ZNF804B: variants seen among roughly 807,000 people sequenced by gnomAD.
ZNF804B encodes zinc finger 804B.
Under a neutral mutation model 101.4 loss-of-function variants are expected in ZNF804B, and 80 were observed. That is an observed-to-expected ratio of 0.79 (90% CI 0.66 to 0.95). The LOEUF is 0.95. ZNF804B is among the 40% of genes least tolerant of loss of function. The pLI is 0.00. For synonymous variants in ZNF804B, 622 were observed against 558.8 expected (o/e 1.11, Z -1.59); for missense variants, 1,673 against 1,561.9 (o/e 1.07, Z -1.20).
At chr7:89,194,831 T>A (rs1788520497) in intron 1 of ZNF804B, among the ~76,000 whole-genome samples, 2 of 151,816 alleles carry the variant, frequency 1.3e-5, no homozygotes, top group Non-Finnish European at 2.9e-5. Context: ...TTAAAGTAGT[T>A]TTTTCCAATT....
Position 88,891,429 on chromosome 7 carries a change from C to T in ZNF804B, c.108+131345C>T, listed in dbSNP as rs189465489. ...TGTTTGCCTTTTATATAATTTTCTA[C>T]CCTATTATTCAAACCTTACATGTCC... On this transcript the variant is annotated intron_variant, in intron 1 of 3. Coordinates refer to ENST00000333190, the MANE Select transcript of ZNF804B (RefSeq NM_181646.5). Among the ~76,000 whole-genome samples the T allele has an allele frequency of 1.8e-3, 272 of 152,096 alleles. 1 individual carries two copies. The highest frequency in any genetic ancestry group is 6.3e-3 in the African/African-American group (262 of 41,540).
At chr7:88,776,587 C>A (rs55655544) in intron 1 of ZNF804B, among the ~76,000 whole-genome samples, 17,688 of 120,020 alleles carry the variant, frequency 0.15, 1,390 homozygotes, top group African/African-American at 0.2. Flanking sequence ...TTTTTCAGAG[C>A]AAATTGAGTT....
chr7:88,993,227 T>C (rs1793873854), intron 1 of ZNF804B, among the ~76,000 whole-genome samples: 1 of 152,050 alleles, frequency 6.6e-6, no homozygotes, highest in African/African-American at 2.4e-5. Flanking sequence ...AGGAAGAAGG[T>C]ATGAAAGAAA....
chr7:88,897,574 T>A (rs978931444), intron 1 of ZNF804B, among the ~76,000 whole-genome samples: 3 of 152,232 alleles, frequency 2.0e-5, no homozygotes, highest in African/African-American at 7.2e-5. Context: ...TAATACATTA[T>A]GTCATGAAAC....
At chr7:88,816,602 C>T (rs1790882450) in intron 1 of ZNF804B, among the ~76,000 whole-genome samples, 1 of 150,442 alleles carries the variant, frequency 6.6e-6, no homozygotes, top group East Asian at 2.0e-4. Context: ...CAAAAGAAGA[C>T]ATTTATGCAG....
chr7:89,117,141 A>C (rs1473229522), intron 1 of ZNF804B, among the ~76,000 whole-genome samples: 1 of 152,198 alleles, frequency 6.6e-6, no homozygotes, highest in Admixed American at 6.5e-5. Flanking sequence ...CAAAGGACAC[A>C]TTCTCCACTA....
At chr7:89,145,135 G>A (rs894994119) in intron 1 of ZNF804B, among the ~76,000 whole-genome samples, 1 of 151,488 alleles carries the variant, frequency 6.6e-6, no homozygotes, top group African/African-American at 2.4e-5. Context: ...TCAAAAAAAC[G>A]AAAATAAATG....
intron 2 of ZNF804B, among the ~76,000 whole-genome samples, chr7:89,244,648 A>T (rs1298756978): frequency 6.6e-6 from 1 of 152,150 alleles, no homozygotes; most frequent in Non-Finnish European, 1.5e-5. Context: ...GCTTCATAGC[A>T]CCTGGAGACA....
chr7:89,255,861 C>A (rs13238218), intron 2 of ZNF804B, among the ~76,000 whole-genome samples: 18,589 of 151,898 alleles, frequency 0.12, 1,220 homozygotes, highest in Middle Eastern at 0.26. Context: ...AAAAAAGATT[C>A]ATAAAAGTGA....
intron 1 of ZNF804B, among the ~76,000 whole-genome samples, chr7:88,801,218 T>A (rs1317072205): frequency 6.6e-6 from 1 of 151,430 alleles, no homozygotes; most frequent in East Asian, 2.0e-4. Flanking sequence ...GGAACCCTGG[T>A]GTGTAGTTTG....
intron 2 of ZNF804B, among the ~76,000 whole-genome samples, chr7:89,313,094 T>C (rs1051328902): frequency 9.2e-5 from 14 of 152,180 alleles, no homozygotes; most frequent in African/African-American, 3.4e-4. Context: ...AAAATGACAC[T>C]GTTATAAATG....
chr7:89,160,113 A>G (rs1791036762), intron 1 of ZNF804B, among the ~76,000 whole-genome samples: 1 of 152,184 alleles, frequency 6.6e-6, no homozygotes, highest in Non-Finnish European at 1.5e-5. Context: ...AGAATATTCC[A>G]TTGTTAAACA....
intron 2 of ZNF804B, among the ~76,000 whole-genome samples, chr7:89,235,949 A>G (rs1455914586): frequency 6.6e-6 from 1 of 152,182 alleles, no homozygotes; most frequent in African/African-American, 2.4e-5. Flanking sequence ...CAAATTTTGT[A>G]TCAAAACCAC....
chr7:88,866,844 C>T (rs541341436), intron 1 of ZNF804B, among the ~76,000 whole-genome samples: 1 of 152,262 alleles, frequency 6.6e-6, no homozygotes, highest in South Asian at 2.1e-4. Flanking sequence ...AAAAATGAGT[C>T]TTAACTTTAT....
At chr7:88,786,108 A>T (rs1185568693) in intron 1 of ZNF804B, among the ~76,000 whole-genome samples, 1 of 152,142 alleles carries the variant, frequency 6.6e-6, no homozygotes, top group Non-Finnish European at 1.5e-5. Flanking sequence ...TTTTCAGCTC[A>T]TCCTTGCTGA....
chr7:89,240,444 C>A (rs746188456), intron 2 of ZNF804B, among the ~76,000 whole-genome samples: 2 of 151,456 alleles, frequency 1.3e-5, no homozygotes, highest in Admixed American at 1.3e-4. Context: ...GTAAAATGAG[C>A]GTTTTGTACT....
rs1028622801 is a variant in ZNF804B at position 88,837,817 on chromosome 7, T to C, written c.108+77733T>C. ...GTACTCACAAGTATATATGAGAATTTAGCTGACTTTCGATGGCCATCTATT... is the reference window on the plus strand; with the variant it reads ...GTACTCACAAGTATATATGAGAATTCAGCTGACTTTCGATGGCCATCTATT... On this transcript the variant is annotated intron_variant, in intron 1 of 3. Transcript: ENST00000333190. Among the ~76,000 whole-genome samples the C allele has an allele frequency of 5.5e-4, 84 of 151,984 alleles. 1 individual carries two copies. The highest frequency in any genetic ancestry group is 1.9e-3 in the African/African-American group (80 of 41,530).
chr7:88,903,565 C>T (rs1792423660), intron 1 of ZNF804B, among the ~76,000 whole-genome samples: 1 of 152,186 alleles, frequency 6.6e-6, no homozygotes, highest in African/African-American at 2.4e-5. Context: ...GCTTTACATT[C>T]CCATCAACAG....
In ZNF804B at chr7:89,334,964, G is replaced by T. The variant is rs879301072; in HGVS notation, c.1982G>T (p.Cys661Phe). 3.7e-6 allele frequency: 6 copies of T among 1,613,896 alleles called. No homozygotes were observed. The highest frequency in any genetic ancestry group is 5.1e-6 in the Non-Finnish European group (6 of 1,179,894). The change falls in exon 4 of 4, where the codon TGT becomes TTT. Residue 661 changes from cysteine (C) to phenylalanine (F), a missense_variant. Physicochemically the swap from Cys to Phe is radical, Grantham distance 205 (BLOSUM62 -2). Transcript: ENST00000333190. Reference sequence around the variant, plus strand: ...CAATTCAACTGCAAGTCCAGTCCTTGTACAGTAGGGGGTCACAGTGACCAT... The same window carrying T: ...CAATTCAACTGCAAGTCCAGTCCTTTTACAGTAGGGGGTCACAGTGACCAT... Reference protein sequence around the residue: ...ERQFNCKSSPCTVGGHSDHGK... With the variant: ...ERQFNCKSSPFTVGGHSDHGK...
Sources: allele counts gnomAD v4.1 joint callset (sites outside exome capture counted in the v4.1 genomes callset), GRCh38; gene constraint gnomAD v4.1.1; transcripts MANE v1.5; gene names NCBI Gene and HGNC (gene_info 2026-07-23, HGNC 2026-07-21).